GOLGA4: variants seen among roughly 807,000 people sequenced by gnomAD.
GOLGA4 encodes the protein golgin A4.
Under a neutral mutation model 265.9 loss-of-function variants are expected in GOLGA4, and 169 were observed. That is an observed-to-expected ratio of 0.64 (90% CI 0.56 to 0.72). The LOEUF (loss-of-function observed/expected upper bound fraction) is 0.72. Among genes scored for constraint, GOLGA4 ranks in the 30% least tolerant of loss-of-function variants. The probability of loss-of-function intolerance (pLI) is 0.00; values close to 1 mark genes in which losing one functional copy is unlikely to be tolerated. For synonymous variants in GOLGA4, 923 were observed against 855.8 expected (o/e 1.08, Z -1.37); for missense variants, 2,482 against 2,483.4 (o/e 1.00, Z 0.01).
rs568604875 is a variant in GOLGA4 at position 37,326,772 on chromosome 3, T to C, written c.4886T>C (p.Leu1629Pro). The C allele has an allele frequency of 6.2e-7, 1 of 1,613,726 alleles. No homozygotes were observed. The highest frequency in any genetic ancestry group is 8.5e-7 in the Non-Finnish European group (1 of 1,179,726). The change falls in exon 14 of 24, where the codon CTT becomes CCT. Residue 1629 changes from leucine to proline, a missense_variant. This residue lies in a region of GOLGA4 where 942 missense variants were observed against 983.1 expected (regional missense o/e 0.96). Transcript: ENST00000361924. ...EEELKALEDR[L>P]ESESAAKLAE... ...GAGTTAAAGGCATTGGAAGATAGGC[T>C]TGAGTCAGAAAGTGCTGCAAAATTA... is the stretch of plus-strand genomic sequence containing the variant.
At chr3:37,312,691 T>C (rs537261372) in intron 10 of GOLGA4, among the ~76,000 whole-genome samples, 6 of 152,084 alleles carry the variant, frequency 3.9e-5, no homozygotes, top group Admixed American at 3.3e-4. Context: ...TCCTGGCTAA[T>C]TTTTAATTTT....
intron 16 of GOLGA4, among the ~76,000 whole-genome samples, chr3:37,331,476 A>G (rs747112532): frequency 1.7e-4 from 26 of 152,232 alleles, no homozygotes; most frequent in Non-Finnish European, 2.9e-4. Flanking sequence ...GCTATTAGCA[A>G]TTCTCAGCAA....
intron 9 of GOLGA4, among the ~76,000 whole-genome samples, chr3:37,300,693 A>G (rs2096890370): frequency 6.6e-6 from 1 of 152,126 alleles, no homozygotes; most frequent in Non-Finnish European, 1.5e-5. Context: ...TTTTTTTCCA[A>G]AAGTATTTTA....
chr3:37,329,781 T>A (rs531150356), intron 16 of GOLGA4, among the ~76,000 whole-genome samples: 1 of 152,326 alleles, frequency 6.6e-6, no homozygotes, highest in African/African-American at 2.4e-5. Flanking sequence ...GGACTAACAT[T>A]TGAAAATGTT....
At chr3:37,357,774 C>CTG (rs1330612462) in intron 22 of GOLGA4, among the ~76,000 whole-genome samples, 5 of 152,202 alleles carry the variant, frequency 3.3e-5, no homozygotes, top group Admixed American at 2.0e-4. Flanking sequence ...GTCCATTGAG[C>CTG]TGTAGCTCGC....
At position 37,327,552 on chromosome 3, in the gene GOLGA4, A is replaced by G. The variant is rs1254623681; in HGVS notation, c.5666A>G (p.Gln1889Arg). Residue 1889 changes from glutamine (Q) to arginine (R), a missense_variant, in exon 14 of 24, where the codon CAG becomes CGG. Physicochemically the swap from Gln to Arg is conservative, Grantham distance 43. Coordinates refer to ENST00000361924, the MANE Select transcript of GOLGA4 (RefSeq NM_002078.5). ...SKYEKLQALQ[Q>R]MDGRNKPTEL... Reference sequence around the variant, plus strand: ...TATGAAAAATTACAGGCTTTACAACAGATGGATGGAAGAAATAAACCCACA... The same window carrying G: ...TATGAAAAATTACAGGCTTTACAACGGATGGATGGAAGAAATAAACCCACA... 4 of 1,613,742 alleles carry G rather than the reference A, an allele frequency of 2.5e-6. No homozygotes were observed. Among genetic ancestry groups the G allele is most frequent in the Non-Finnish European group, 3.4e-6 (4 of 1,179,802 alleles).
Position 37,325,535 on chromosome 3 carries a change from C to G in GOLGA4, c.3649C>G (p.Leu1217Val). 1.2e-6 allele frequency: 2 copies of G among 1,613,794 alleles called. No individual in the cohort carries two copies. Among genetic ancestry groups the G allele is most frequent in the Non-Finnish European group, 1.7e-6 (2 of 1,179,794 alleles). The change falls in exon 14 of 24, where the codon CTA (leucine) becomes GTA (valine). Residue 1217 changes from leucine (L) to valine (V), a missense_variant. By Grantham distance (32) the Leu-to-Val change is conservative. Transcript: ENST00000361924. Reference protein sequence around the residue: ...KKLSEELAIQLDICCKKTEAL... With the variant: ...KKLSEELAIQVDICCKKTEAL... ...ACTGTCTGAGGAACTAGCGATTCAG[C>G]TAGATATTTGCTGTAAGAAAACCGA...
At chr3:37,257,705 A>T (rs2096752716) in intron 2 of GOLGA4, among the ~76,000 whole-genome samples, 1 of 151,148 alleles carries the variant, frequency 6.6e-6, no homozygotes, top group Non-Finnish European at 1.5e-5. Flanking sequence ...GAATTTATGA[A>T]GGAAGGATTG....
chr3:37,310,792 A>G (rs999249127), intron 10 of GOLGA4, among the ~76,000 whole-genome samples: 1 of 151,906 alleles, frequency 6.6e-6, no homozygotes, highest in Non-Finnish European at 1.5e-5. Flanking sequence ...TTGGAAGAAC[A>G]CAGTGTGTTC....
rs1328343279 is a variant in GOLGA4 at position 37,355,176 on chromosome 3, G to A, written c.6652G>A (p.Ala2218Thr). ...QTQKILERED[A>T]RLMFTSPRSG... ...TCAGAAAATTTTGGAAAGAGAAGAT[G>A]CTCGGCTGATGGTAAGTTCTGGAAG... Residue 2218 changes from alanine to threonine, a missense_variant, in exon 22 of 24, where the codon GCT (alanine) becomes ACT (threonine). Ala to Thr is a moderately conservative substitution (Grantham distance 58, BLOSUM62 0). Transcript: ENST00000361924. The A allele has an allele frequency of 6.3e-7, 1 of 1,576,420 alleles. No individual in the cohort carries two copies. The highest frequency in any genetic ancestry group is 1.1e-5 in the South Asian group (1 of 90,288).
chr3:37,332,135 C>T lies in GOLGA4; in HGVS notation c.6193-2918C>T, dbSNP rs182958359. On this transcript the variant is annotated intron_variant, in intron 16 of 23. Transcript: ENST00000361924. ...AAAGGTGTGATTTATTACTTCTCCT[C>T]CTAAATATGTGCAGTGGTTTCCCAT... Among the ~76,000 whole-genome samples the T allele has an allele frequency of 4.5e-4, 68 of 152,320 alleles. 1 individual carries two copies. In the Middle Eastern group the frequency reaches 0.014, roughly 30 times the overall value.
At chr3:37,269,925 G>GCT (rs1480402614) in intron 2 of GOLGA4, among the ~76,000 whole-genome samples, 1 of 114,074 alleles carries the variant, frequency 8.8e-6, no homozygotes, top group African/African-American at 3.5e-5. Context: ...GCAGAGTCTC[G>GCT]CTCTGTCACC....
intron 2 of GOLGA4, among the ~76,000 whole-genome samples, chr3:37,260,157 T>TGA (rs1316723496): frequency 4.8e-5 from 6 of 124,082 alleles, no homozygotes; most frequent in African/African-American, 1.4e-4. Context: ...GTTGATGAGC[T>TGA]AAAAAAAAAA....
At position 37,270,353 on chromosome 3, in the gene GOLGA4, C is replaced by A. The variant is rs139876599; in HGVS notation, c.163-11605C>A. On this transcript the variant is annotated intron_variant, in intron 2 of 23. Coordinates refer to ENST00000361924, the MANE Select transcript of GOLGA4 (RefSeq NM_002078.5). ...CCCGAGTAGCTGGGACTACAGGTGC[C>A]TGCCACCACGACGTTTTTATAGAAA... is the stretch of plus-strand genomic sequence containing the variant. Among the ~76,000 whole-genome samples, 81 of 150,600 alleles carry A rather than the reference C, an allele frequency of 5.4e-4. 1 individual carries two copies. In the East Asian group the frequency reaches 0.013, roughly 24 times the overall value.
intron 2 of GOLGA4, among the ~76,000 whole-genome samples, chr3:37,261,714 T>A (rs958875036): frequency 3.3e-5 from 5 of 151,976 alleles, no homozygotes; most frequent in African/African-American, 1.2e-4. Context: ...CTAGCACTGG[T>A]GAAAGGAAGT....
At chr3:37,313,974 T>C (rs2096930126) in intron 10 of GOLGA4, among the ~76,000 whole-genome samples, 1 of 151,924 alleles carries the variant, frequency 6.6e-6, no homozygotes, top group East Asian at 1.9e-4. Flanking sequence ...TATTTTTTTT[T>C]TTTTTTTGAG....
intron 4 of GOLGA4, among the ~76,000 whole-genome samples, 186 bp downstream of exon 4, chr3:37,286,247 G>A (rs548413755): frequency 1.4e-5 from 2 of 140,568 alleles, no homozygotes; most frequent in East Asian, 4.6e-4. Context: ...TCCGCCTCCC[G>A]GGTTCACGCC....
intron 23 of GOLGA4, among the ~76,000 whole-genome samples, chr3:37,363,575 C>T (rs1420411910): frequency 6.6e-6 from 1 of 152,196 alleles, no homozygotes; most frequent in Non-Finnish European, 1.5e-5. Flanking sequence ...CCATTTGTAA[C>T]ATTTGGCAAT....
rs1298781913 is a variant in GOLGA4 at position 37,325,012 on chromosome 3, T to C, written c.3126T>C (p.Asp1042=). ...AGGTTCATCGACGAGAACTCAATGA[T>C]GTCATATCAATCTGGGAAAAGAAAC... ...LTEVHRRELN[D]VISIWEKKLN... is the part of the protein sequence containing the mutation. Residue 1042 remains aspartate, a synonymous_variant, in exon 14 of 24, where the codon GAT becomes GAC. Coordinates refer to ENST00000361924, the MANE Select transcript of GOLGA4 (RefSeq NM_002078.5). 1.2e-6 allele frequency: 2 copies of C among 1,613,022 alleles called. No individual in the cohort carries two copies. Among genetic ancestry groups the C allele is most frequent in the Non-Finnish European group, 1.7e-6 (2 of 1,179,602 alleles).
Sources: allele counts gnomAD v4.1 joint callset (sites outside exome capture counted in the v4.1 genomes callset), GRCh38; gene constraint gnomAD v4.1.1; regional missense constraint gnomAD v4.1.1; transcripts MANE v1.5; gene names NCBI Gene and HGNC (gene_info 2026-07-23, HGNC 2026-07-21).